The following MDN1 variants were observed in gnomAD, a reference collection of about 807,000 sequenced individuals.
MDN1 encodes the protein midasin.
In MDN1, 266 loss-of-function variants were observed where a neutral mutation model predicts 669.2. The observed-to-expected ratio is 0.40, with a 90% CI of 0.36 to 0.44. The LOEUF (loss-of-function observed/expected upper bound fraction) is 0.44, where lower values mean the gene tolerates loss of function less well. Among genes scored for constraint, MDN1 ranks in the 20% least tolerant of loss-of-function variants. The probability of loss-of-function intolerance (pLI) is 1.00; values close to 1 mark genes in which losing one functional copy is unlikely to be tolerated. For synonymous variants in MDN1, 2,385 were observed against 2,457.1 expected (o/e 0.97, Z 0.87); for missense variants, 5,940 against 6,754.0 (o/e 0.88, Z 4.22).
At chr6:89,731,656 G>A (rs1433746981) in intron 34 of MDN1, among the ~76,000 whole-genome samples, 3 of 152,086 alleles carry the variant, frequency 2.0e-5, no homozygotes, top group African/African-American at 7.2e-5. Context: ...AATACCTAAT[G>A]CATGAGGAGC....
At chr6:89,756,547 G>C (rs929484473) in intron 19 of MDN1, among the ~76,000 whole-genome samples, 157 bp from the exon 20 acceptor site, 3 of 152,118 alleles carry the variant, frequency 2.0e-5, no homozygotes, top group African/African-American at 7.2e-5. Flanking sequence ...ATAATTAAAG[G>C]ATAATGTAAC....
intron 1 of MDN1, chr6:89,815,003 G>T: frequency 5.0e-6 from 3 of 601,480 alleles, no homozygotes; most frequent in East Asian, 9.5e-5. Context: ...AGCACCAAGT[G>T]TCTGGTGGAG....
Position 89,718,361 on chromosome 6 carries a change from C to T in MDN1, c.6583+5G>A, listed in dbSNP as rs374050100. On this transcript the variant is annotated splice_donor_5th_base_variant and intron_variant, in intron 43 of 101. Transcript: ENST00000369393. Reference sequence around the variant, plus strand: ...TTCCTGATACAGAGATCCAAATATACATACCTGCCTTGCAGTATGAGTTGA... The same window carrying T: ...TTCCTGATACAGAGATCCAAATATATATACCTGCCTTGCAGTATGAGTTGA... 5 of 1,612,284 alleles carry T rather than the reference C, an allele frequency of 3.1e-6. No homozygotes were observed. Among genetic ancestry groups the T allele is most frequent in the African/African-American group, 2.7e-5 (2 of 74,920 alleles).
chr6:89,691,682 C>T (rs779640354), intron 63 of MDN1, among the ~76,000 whole-genome samples: 7 of 152,018 alleles, frequency 4.6e-5, no homozygotes, highest in Non-Finnish European at 8.8e-5. Flanking sequence ...GTGAAGAATA[C>T]AGAATAACAG....
At position 89,793,881 on chromosome 6, in the gene MDN1, G is replaced by A. The variant is rs759337910; in HGVS notation, c.736C>T (p.Arg246Cys). The change falls in exon 5 of 102, where the codon CGT (arginine) becomes TGT (cysteine). Residue 246 changes from arginine to cysteine, a missense_variant. By Grantham distance (180) the Arg-to-Cys change is radical. Around this residue, in one of 5 missense-constraint regions of MDN1, gnomAD observed 1,203 missense variants for 1,268.9 expected, o/e 0.95. Transcript: ENST00000369393. ...VLANPEVSLWRKQKELQYLQG... is the reference protein window; with the variant it reads ...VLANPEVSLWCKQKELQYLQG... ...AAGTACTGCAGCTCCTTCTGCTTAC[G>A]CCAAAGGGAGACTTCTGGATTGGCC... 1.4e-5 allele frequency: 22 copies of A among 1,613,862 alleles called. 1 individual carries two copies. The highest frequency in any genetic ancestry group is 2.7e-5 in the African/African-American group (2 of 74,900).
rs568241176 is a variant in MDN1 at position 89,787,850 on chromosome 6, A to C, written c.1334+4T>G. On this transcript the variant is annotated splice_donor_region_variant and intron_variant, in intron 8 of 101. Coordinates refer to ENST00000369393, the MANE Select transcript of MDN1 (RefSeq NM_014611.3). ...GTGAAAACAGAAAGGTTACTAGTACATACCTCCTGGTTGCAAAAAACTGAA... is the reference window on the plus strand; with the variant it reads ...GTGAAAACAGAAAGGTTACTAGTACCTACCTCCTGGTTGCAAAAAACTGAA... 6.2e-7 allele frequency: 1 copy of C among 1,609,328 alleles called. No homozygotes were observed. The highest frequency in any genetic ancestry group is 2.2e-5 in the East Asian group (1 of 44,840).
At position 89,650,196 on chromosome 6, in the gene MDN1, C is replaced by T. The variant is rs1188657425; in HGVS notation, c.16034G>A (p.Gly5345Glu). ...LEPTQAAKLK[G>E]DYRTGKRLNI... ...TAGTCGTTTCCCAGTTCGATAGTCT[C>T]CTCTATTTATTCAAATGGGGGCAAA... Residue 5345 changes from glycine to glutamate, a missense_variant and splice_region_variant, in exon 97 of 102, where the codon GGA becomes GAA. This residue lies in a region of MDN1 where 2,280 missense variants were observed against 2,576.3 expected (regional missense o/e 0.88). Transcript: ENST00000369393. 1 of 1,609,462 alleles carries T rather than the reference C, an allele frequency of 6.2e-7. No individual in the cohort carries two copies.
At position 89,714,731 on chromosome 6, in the gene MDN1, G is replaced by A; in HGVS notation, c.6881C>T (p.Pro2294Leu). The change falls in exon 46 of 102, where the codon CCT (proline) becomes CTT (leucine). Residue 2294 changes from proline to leucine, a missense_variant. Pro to Leu is a moderately conservative substitution (Grantham distance 98). This residue lies in a region of MDN1 where 2,292 missense variants were observed against 2,638.3 expected (regional missense o/e 0.87). Transcript: ENST00000369393. ...AGCTCGGGATATATCTCCATGAACA[G>A]GATCCATCGAGAGGAAAAGTCTAGA... ...PNFRLFLSMD[P>L]VHGDISRAMR... is the part of the protein sequence containing the mutation. 6.2e-7 allele frequency: 1 copy of A among 1,608,276 alleles called. No individual in the cohort carries two copies. Among genetic ancestry groups the A allele is most frequent in the Non-Finnish European group, 8.5e-7 (1 of 1,178,482 alleles).
intron 65 of MDN1, 71 bp downstream of exon 65, chr6:89,689,799 C>G: frequency 2.6e-6 from 4 of 1,510,116 alleles, no homozygotes; most frequent in Non-Finnish European, 3.6e-6. Context: ...GTGATTGTTA[C>G]AGAGTAGCAA....
At chr6:89,649,299 AT>A (rs1215053273) in intron 97 of MDN1, among the ~76,000 whole-genome samples, 2 of 152,226 alleles carry the variant, frequency 1.3e-5, no homozygotes, top group Admixed American at 6.5e-5. Context: ...GTAAATATAT[AT>A]ATTCCTCACT....
At chr6:89,706,666 T>C (rs1813536231) in intron 52 of MDN1, among the ~76,000 whole-genome samples, 1 of 152,170 alleles carries the variant, frequency 6.6e-6, no homozygotes, top group African/African-American at 2.4e-5. Flanking sequence ...TCAATCTGTA[T>C]TATTAAACTC....
At position 89,673,331 on chromosome 6, in the gene MDN1, A is replaced by G. The variant is rs753228047; in HGVS notation, c.13379T>C (p.Val4460Ala). 1.2e-6 allele frequency: 2 copies of G among 1,614,136 alleles called. No individual in the cohort carries two copies. Among genetic ancestry groups the G allele is most frequent in the Non-Finnish European group, 1.7e-6 (2 of 1,180,008 alleles). Residue 4460 changes from valine (V) to alanine (A), a missense_variant, in exon 80 of 102, where the codon GTT becomes GCT. Around this residue, in one of 5 missense-constraint regions of MDN1, gnomAD observed 2,280 missense variants for 2,576.3 expected, o/e 0.88. Transcript: ENST00000369393. ...TCCTCTTACATATTCCAGACTTTCA[A>G]CTAGTGCCATTTGTGAGTCTCTTTG... ...VEQRDSQMAL[V>A]ESLEYVRGEI...
chr6:89,646,545 C>T lies in MDN1; in HGVS notation c.16454G>A (p.Ser5485Asn), dbSNP rs1808502425. ...GAGGAAGGCATGCAGCTCACCTGAA[C>T]TGATGTTCTGCGAGAGCTGCTGAGC... is the stretch of plus-strand genomic sequence containing the variant. ...AAAQQLSQNI[S>N]SETAQLLLVV... The change falls in exon 100 of 102, where the codon AGT (serine) becomes AAT (asparagine). Residue 5485 changes from serine to asparagine, a missense_variant. By Grantham distance (46) the Ser-to-Asn change is conservative (BLOSUM62 1). Transcript: ENST00000369393. 6.2e-7 allele frequency: 1 copy of T among 1,613,976 alleles called. No homozygotes were observed. The highest frequency in any genetic ancestry group is 8.5e-7 in the Non-Finnish European group (1 of 1,179,858).
chr6:89,656,730 G>A lies in MDN1; in HGVS notation c.15255C>T (p.Ala5085=). ...GHESNFIAQL[A]SQKHTRKNTQ... is the part of the protein sequence containing the mutation. ...TGTTTTTCCTGGTGTGCTTCTGGGA[G>A]GCCAACTGGGCAATGAAATTCGATT... The change falls in exon 91 of 102, where the codon GCC becomes GCT. Residue 5085 remains alanine, a synonymous_variant. Coordinates refer to ENST00000369393, the MANE Select transcript of MDN1 (RefSeq NM_014611.3). 1.2e-6 allele frequency: 2 copies of A among 1,612,928 alleles called. No homozygotes were observed. The highest frequency in any genetic ancestry group is 1.7e-6 in the Non-Finnish European group (2 of 1,179,446).
chr6:89,750,210 C>T (rs1816869022), intron 24 of MDN1, 144 bp downstream of exon 24: 2 of 802,834 alleles, frequency 2.5e-6, no homozygotes, highest in South Asian at 3.9e-5. Context: ...CACCCCTTAA[C>T]TATCTTAGCT....
rs376749129 is a variant in MDN1, at chr6:89,672,579, T to G, written c.13598A>C (p.Asn4533Thr). 4.1e-5 allele frequency: 66 copies of G among 1,614,084 alleles called. No homozygotes were observed. The highest frequency in any genetic ancestry group is 5.5e-5 in the Non-Finnish European group (65 of 1,180,028). Residue 4533 changes from asparagine to threonine, a missense_variant, in exon 81 of 102, where the codon AAC becomes ACC. Physicochemically the swap from Asn to Thr is moderately conservative, Grantham distance 65 (BLOSUM62 0). This residue lies in a region of MDN1 where 2,280 missense variants were observed against 2,576.3 expected (regional missense o/e 0.88). Transcript: ENST00000369393. ...EERKNEKAEE[N>T]TDQASPQEDY... is the part of the protein sequence containing the mutation. The stretch of plus-strand genomic sequence containing the variant: ...TTCTTGTGGGCTTGCTTGGTCAGTG[T>G]TCTCCTCTGCTTTTTCATTCTTTCT...
At chr6:89,761,546 C>G in intron 17 of MDN1, 99 bp downstream of exon 17, 1 of 760,810 alleles carries the variant, frequency 1.3e-6, no homozygotes, top group Non-Finnish European at 2.0e-6. Flanking sequence ...CCCCCAAAAT[C>G]ATTATTTCAT....
In MDN1 at chr6:89,656,117, G is replaced by A. The variant is rs1303458928; in HGVS notation, c.15286-149C>T. The stretch of plus-strand genomic sequence containing the variant: ...TTCAATACAGCTATTAAAAAGAACC[G>A]GGACTCTATATACTTACATAGAACA... On this transcript the variant is annotated intron_variant, in intron 91 of 101. Coordinates refer to ENST00000369393, the MANE Select transcript of MDN1 (RefSeq NM_014611.3). The A allele has an allele frequency of 1.7e-5, 11 of 659,648 alleles. 1 individual carries two copies. The highest frequency in any genetic ancestry group is 5.9e-5 in the South Asian group (3 of 50,918). The allele number at this position is 659,648 out of a possible 1,614,324, so 40.9% of individuals were successfully genotyped here.
intron 1 of MDN1, among the ~76,000 whole-genome samples, chr6:89,805,949 TTC>T (rs1414842505): frequency 1.3e-5 from 2 of 152,128 alleles, no homozygotes; most frequent in Non-Finnish European, 2.9e-5. Context: ...CCTTTTTTTT[TTC>T]TTTTGAGACA....
Sources: allele counts gnomAD v4.1 joint callset (sites outside exome capture counted in the v4.1 genomes callset), GRCh38; gene constraint gnomAD v4.1.1; regional missense constraint gnomAD v4.1.1; transcripts MANE v1.5; gene names NCBI Gene and HGNC (gene_info 2026-07-23, HGNC 2026-07-21).